The following CTTNBP2NL variants were observed in gnomAD, a reference collection of about 807,000 sequenced individuals.
CTTNBP2NL encodes the protein CTTNBP2 N-terminal like, also known as CTTNBP2 N-terminal-like protein.
In CTTNBP2NL, 16 loss-of-function variants were observed where a neutral mutation model predicts 32.5. The observed-to-expected ratio is 0.49, with a 90% confidence interval of 0.33 to 0.75. The LOEUF (loss-of-function observed/expected upper bound fraction) is 0.75. Among genes scored for constraint, CTTNBP2NL ranks in the 30% least tolerant of loss-of-function variants. CTTNBP2NL has a pLI of 0.02. For missense variants in CTTNBP2NL, 645 were observed against 756.0 expected, an observed-to-expected ratio of 0.85 and a Z score of 1.72; for synonymous variants, 298 against 289.4, an observed-to-expected ratio of 1.03 and a Z score of -0.30.
At chr1:112,395,317 G>C (rs548363744), upstream of CTTNBP2NL, among the ~76,000 whole-genome samples, 1 of 152,250 alleles carries the variant, frequency 6.6e-6, no homozygotes, top group African/African-American at 2.4e-5. Context: ...CAGAAACTTT[G>C]ACCTTAGGTA....
chr1:112,436,161 A>G (rs1397080509), intron 3 of CTTNBP2NL, among the ~76,000 whole-genome samples: 1 of 135,164 alleles, frequency 7.4e-6, no homozygotes, highest in African/African-American at 2.9e-5. Flanking sequence ...TTGTCTGTTT[A>G]CTTTCCAAAG....
At chr1:112,441,877 G>T (rs982394263) in intron 3 of CTTNBP2NL, among the ~76,000 whole-genome samples, 1 of 151,954 alleles carries the variant, frequency 6.6e-6, no homozygotes, top group Non-Finnish European at 1.5e-5. Flanking sequence ...TTTGTATATG[G>T]TATAAGGTAT....
intron 3 of CTTNBP2NL, among the ~76,000 whole-genome samples, chr1:112,431,362 G>A (rs370821307): frequency 1.3e-4 from 20 of 152,334 alleles, no homozygotes; most frequent in African/African-American, 4.6e-4. Flanking sequence ...AGACAAAGAG[G>A]TTGCTTCTAA....
In CTTNBP2NL at chr1:112,459,565, TGAAAAA is replaced by T. The variant is rs1474113124; in HGVS notation, c.*2154_*2159del. On this transcript the variant is annotated 3_prime_UTR_variant, in exon 6 of 6. Transcript: ENST00000271277. ...TTATAGTTTGATAAAGGCAAATACA[TGAAAAA>T]TAAAAATGCTACTAATGCCCCAAGG... is the stretch of plus-strand genomic sequence containing the variant. The T allele has an allele frequency of 1.3e-5, 2 of 152,136 alleles. No individual in the cohort carries two copies. Among genetic ancestry groups the T allele is most frequent in the Admixed American group, 1.3e-4 (2 of 15,270 alleles). 9.4% of individuals were successfully genotyped at this position (152,136 alleles called of 1,614,324 possible).
chr1:112,432,167 G>A (rs12126055), intron 3 of CTTNBP2NL, among the ~76,000 whole-genome samples: 52,852 of 144,900 alleles, frequency 0.36, 9,722 homozygotes, highest in East Asian at 0.56. Context: ...TCTGCCTCCC[G>A]GGTTCACACC....
chr1:112,438,119 T>A (rs528845618), intron 3 of CTTNBP2NL, among the ~76,000 whole-genome samples: 144 of 152,310 alleles, frequency 9.5e-4, no homozygotes, highest in African/African-American at 3.3e-3. Context: ...CATCTTGAGT[T>A]AATTTTTGTA....
intron 3 of CTTNBP2NL, 93 bp downstream of exon 3, chr1:112,416,357 C>G: frequency 1.4e-6 from 1 of 699,482 alleles, no homozygotes; most frequent in South Asian, 1.8e-5. Context: ...TCTGCAGTTT[C>G]CATTGAAATT....
intron 3 of CTTNBP2NL, among the ~76,000 whole-genome samples, chr1:112,447,658 A>G (rs1650091322): frequency 6.6e-6 from 1 of 152,186 alleles, no homozygotes. Context: ...TTAAAAAAAA[A>G]ACCCATGTTT....
intron 3 of CTTNBP2NL, among the ~76,000 whole-genome samples, chr1:112,419,934 C>T (rs561142475): frequency 3.7e-4 from 56 of 152,264 alleles, no homozygotes; most frequent in South Asian, 3.5e-3. Flanking sequence ...ATAAAGATCA[C>T]ATGAACACAT....
At chr1:112,407,104 C>G (rs1389632461) in intron 1 of CTTNBP2NL, among the ~76,000 whole-genome samples, 1 of 152,148 alleles carries the variant, frequency 6.6e-6, no homozygotes, top group Non-Finnish European at 1.5e-5. Context: ...TTATATAATG[C>G]TGTCTATAAT....
At position 112,458,927 on chromosome 1, in the gene CTTNBP2NL, G is replaced by A. The variant is rs1036427041; in HGVS notation, c.*1515G>A. 8 of 152,216 alleles carry A rather than the reference G, an allele frequency of 5.3e-5. No individual in the cohort carries two copies. Among genetic ancestry groups the A allele is most frequent in the Admixed American group, 3.3e-4 (5 of 15,282 alleles). The allele number at this position is 152,216 out of a possible 1,614,324, so 9.4% of individuals were successfully genotyped here. ...TGTAAAACAGCTGGGAGCAGTGGGA[G>A]CTGTGGCAAACTAAAGTGCCCAAGC... is the stretch of plus-strand genomic sequence containing the variant. On this transcript the variant is annotated 3_prime_UTR_variant, in exon 6 of 6. Transcript: ENST00000271277.
intron 1 of CTTNBP2NL, chr1:112,396,602 C>CT (rs1480481555): frequency 7.9e-5 from 12 of 152,476 alleles, no homozygotes; most frequent in African/African-American, 2.9e-4. Context: ...ATTCTCTAGG[C>CT]TGCCGCCCCC....
intron 2 of CTTNBP2NL, among the ~76,000 whole-genome samples, chr1:112,412,814 TCACC>T (rs1648922932): frequency 6.6e-6 from 1 of 152,022 alleles, no homozygotes; most frequent in Non-Finnish European, 1.5e-5. Context: ...AGACAGGGTT[TCACC>T]ATGTTGGCCA....
At position 112,400,389 on chromosome 1, in the gene CTTNBP2NL, G is replaced by A. The variant is rs545204965; in HGVS notation, c.-134+4117G>A. Among the ~76,000 whole-genome samples the A allele has an allele frequency of 4.2e-4, 64 of 152,272 alleles. 1 individual carries two copies. The South Asian group carries it at 9.9e-3, about 24-fold the overall frequency. On this transcript the variant is annotated intron_variant, in intron 1 of 5. Coordinates refer to ENST00000271277, the MANE Select transcript of CTTNBP2NL (RefSeq NM_018704.3). ...AGGATTACACGAATAGGCCAGGTGC[G>A]GAGGCTCACACCTGTAATCACAGCA...
rs745749319 is a variant in CTTNBP2NL at position 112,458,761 on chromosome 1, C to T, written c.*1349C>T. On this transcript the variant is annotated 3_prime_UTR_variant, in exon 6 of 6. Coordinates refer to ENST00000271277, the MANE Select transcript of CTTNBP2NL (RefSeq NM_018704.3). ...CTGAGATGGGAGGATCTCTTGAGAC[C>T]AGGTGTTCAAGACCAGCCTCATCAA... 1 of 152,078 alleles carries T rather than the reference C, an allele frequency of 6.6e-6. No individual in the cohort carries two copies. The highest frequency in any genetic ancestry group is 2.4e-5 in the African/African-American group (1 of 41,400). The allele number at this position is 152,078 out of a possible 1,614,324, so 9.4% of individuals were successfully genotyped here. A position where few individuals can be genotyped will look rare whatever the true frequency, so the allele number is the denominator to read the frequency against.
chr1:112,417,639 G>A (rs1020891788), intron 3 of CTTNBP2NL, among the ~76,000 whole-genome samples: 2 of 152,152 alleles, frequency 1.3e-5, no homozygotes, highest in African/African-American at 4.8e-5. Context: ...GTCTGTAGGT[G>A]ATAAAATTAT....
intron 3 of CTTNBP2NL, among the ~76,000 whole-genome samples, chr1:112,418,074 A>G (rs1215989887): frequency 2.0e-5 from 3 of 152,178 alleles, no homozygotes; most frequent in Non-Finnish European, 2.9e-5. Flanking sequence ...CTCCAGTAAA[A>G]AAAAGCTTAT....
chr1:112,443,209 TCA>T (rs1172749817), intron 3 of CTTNBP2NL, among the ~76,000 whole-genome samples: 1 of 152,170 alleles, frequency 6.6e-6, no homozygotes, highest in African/African-American at 2.4e-5. Context: ...TCATTCTATT[TCA>T]CAGTTAGTTA....
At chr1:112,417,634 T>C (rs555504535) in intron 3 of CTTNBP2NL, among the ~76,000 whole-genome samples, 1 of 152,300 alleles carries the variant, frequency 6.6e-6, no homozygotes, top group African/African-American at 2.4e-5. Context: ...ATATGGTCTG[T>C]AGGTGATAAA....
Sources: allele counts gnomAD v4.1 joint callset (sites outside exome capture counted in the v4.1 genomes callset), GRCh38; gene constraint gnomAD v4.1.1; transcripts MANE v1.5; gene names NCBI Gene and HGNC (gene_info 2026-07-23, HGNC 2026-07-21).